HS6ST3: variants seen among roughly 807,000 people sequenced by gnomAD.
HS6ST3 encodes the protein heparan sulfate 6-O-sulfotransferase 3, also known as heparan-sulfate 6-O-sulfotransferase 3.
Under a neutral mutation model 36.7 loss-of-function variants are expected in HS6ST3, and 12 were observed. That is an observed-to-expected ratio of 0.33 (90% CI 0.21 to 0.53). The LOEUF is 0.53. HS6ST3 is among the 20% of genes least tolerant of loss of function. The pLI, the probability that HS6ST3 is intolerant of heterozygous loss-of-function variation, is 0.95. For synonymous variants in HS6ST3, 240 were observed against 257.5 expected (o/e 0.93, Z 0.65); for missense variants, 584 against 640.9 (o/e 0.91, Z 0.96).
intron 1 of HS6ST3, among the ~76,000 whole-genome samples, chr13:96,603,758 G>A (rs1181876410): frequency 1.3e-5 from 2 of 152,190 alleles, no homozygotes; most frequent in Non-Finnish European, 2.9e-5. Context: ...CAAGAAATGT[G>A]TTGGCTTAAG....
intron 1 of HS6ST3, among the ~76,000 whole-genome samples, chr13:96,583,523 C>T (rs938879653): frequency 1.3e-5 from 2 of 152,008 alleles, no homozygotes; most frequent in African/African-American, 2.4e-5. Context: ...TCACTTTCTA[C>T]TAAGAATAAA....
At chr13:96,333,929 G>A (rs2055086169) in intron 1 of HS6ST3, among the ~76,000 whole-genome samples, 1 of 152,096 alleles carries the variant, frequency 6.6e-6, no homozygotes, top group African/African-American at 2.4e-5. Flanking sequence ...AATTAGGGAA[G>A]TTTTGATGGT....
chr13:96,205,395 C>T (rs527628213), intron 1 of HS6ST3, among the ~76,000 whole-genome samples: 23 of 152,150 alleles, frequency 1.5e-4, no homozygotes, highest in South Asian at 2.1e-4. Flanking sequence ...TTCTACCAGA[C>T]GTACACTGAA....
At chr13:96,203,534 C>T (rs1180531492) in intron 1 of HS6ST3, among the ~76,000 whole-genome samples, 1 of 152,210 alleles carries the variant, frequency 6.6e-6, no homozygotes, top group Non-Finnish European at 1.5e-5. Context: ...GTTAGACTAT[C>T]CTAAACTAGT....
chr13:96,299,029 TTCTGGA>T (rs2054868901), intron 1 of HS6ST3, among the ~76,000 whole-genome samples: 1 of 152,210 alleles, frequency 6.6e-6, no homozygotes, highest in African/African-American at 2.4e-5. Context: ...CAGTAATTGT[TTCTGGA>T]TCTTTTACGC....
chr13:96,096,297 G>C (rs769747547), intron 1 of HS6ST3, among the ~76,000 whole-genome samples: 1 of 152,094 alleles, frequency 6.6e-6, no homozygotes, highest in Non-Finnish European at 1.5e-5. Flanking sequence ...GAGTAAGAAA[G>C]AACTTAATAA....
intron 1 of HS6ST3, among the ~76,000 whole-genome samples, chr13:96,257,797 AC>A (rs2054644420): frequency 1.3e-5 from 2 of 152,250 alleles, no homozygotes; most frequent in South Asian, 4.1e-4. Context: ...AGTGCTATAG[AC>A]AGCACAGAGT....
intron 1 of HS6ST3, among the ~76,000 whole-genome samples, chr13:96,636,065 A>G (rs2139003683): frequency 6.6e-6 from 1 of 152,296 alleles, no homozygotes; most frequent in East Asian, 1.9e-4. Flanking sequence ...GTAGAGGCAC[A>G]GACTACTTCA....
At chr13:96,470,129 T>C (rs2055833556) in intron 1 of HS6ST3, among the ~76,000 whole-genome samples, 1 of 152,162 alleles carries the variant, frequency 6.6e-6, no homozygotes, top group Non-Finnish European at 1.5e-5. Flanking sequence ...CCATATTCAC[T>C]TTTTCCCTTG....
intron 1 of HS6ST3, among the ~76,000 whole-genome samples, chr13:96,806,785 G>C (rs1878205200): frequency 6.6e-6 from 1 of 152,148 alleles, no homozygotes; most frequent in Admixed American, 6.5e-5. Context: ...GTTTAATGTT[G>C]ACTATTCAAT....
chr13:96,399,528 T>C (rs1041265102), intron 1 of HS6ST3, among the ~76,000 whole-genome samples: 7 of 152,238 alleles, frequency 4.6e-5, no homozygotes, highest in Non-Finnish European at 7.3e-5. Context: ...ATGGCCTTAA[T>C]TTATATAAAT....
chr13:96,661,253 T>G (rs1285285392), intron 1 of HS6ST3, among the ~76,000 whole-genome samples: 2 of 152,126 alleles, frequency 1.3e-5, no homozygotes, highest in African/African-American at 4.8e-5. Context: ...TCCCCCACCA[T>G]TATTGTATTT....
intron 1 of HS6ST3, among the ~76,000 whole-genome samples, chr13:96,150,888 A>G (rs1212913303): frequency 1.3e-5 from 2 of 152,226 alleles, no homozygotes; most frequent in African/African-American, 2.4e-5. Flanking sequence ...ATAATGTATA[A>G]CATAATATAT....
At chr13:96,331,130 G>A (rs2055064207) in intron 1 of HS6ST3, among the ~76,000 whole-genome samples, 1 of 152,116 alleles carries the variant, frequency 6.6e-6, no homozygotes, top group South Asian at 2.1e-4. Context: ...TGGTTTGAAT[G>A]TCCTCCCGTA....
intron 1 of HS6ST3, among the ~76,000 whole-genome samples, chr13:96,211,899 G>A (rs2054400960): frequency 6.6e-6 from 1 of 152,174 alleles, no homozygotes; most frequent in African/African-American, 2.4e-5. Context: ...AACCCCAGAG[G>A]ATGAGATAAA....
Position 96,707,928 on chromosome 13 carries a change from T to G in HS6ST3, c.708-124562T>G, listed in dbSNP as rs560309741. ...TAGTGAACCACTTCAGGCCCTCTAT[T>G]GACCATTAATGATCTAAGTGAAGAA... On this transcript the variant is annotated intron_variant, in intron 1 of 1. Coordinates refer to ENST00000376705, the MANE Select transcript of HS6ST3 (RefSeq NM_153456.4). Among the ~76,000 whole-genome samples the G allele has an allele frequency of 5.5e-4, 83 of 152,202 alleles. 1 individual carries two copies. The highest frequency in any genetic ancestry group is 1.1e-3 in the Non-Finnish European group (78 of 68,032).
intron 1 of HS6ST3, among the ~76,000 whole-genome samples, chr13:96,555,600 CTTG>C (rs1186408353): frequency 6.6e-6 from 1 of 152,206 alleles, no homozygotes; most frequent in Admixed American, 6.5e-5. Context: ...ACAACATGCT[CTTG>C]TTGTTAGCAA....
At chr13:96,817,715 A>G (rs1159830638) in intron 1 of HS6ST3, among the ~76,000 whole-genome samples, 1 of 152,210 alleles carries the variant, frequency 6.6e-6, no homozygotes, top group African/African-American at 2.4e-5. Flanking sequence ...TAGCTCCAAT[A>G]TAACACGTCA....
chr13:96,286,701 C>T (rs2054805066), intron 1 of HS6ST3, among the ~76,000 whole-genome samples: 1 of 152,136 alleles, frequency 6.6e-6, no homozygotes, highest in Non-Finnish European at 1.5e-5. Flanking sequence ...CTTCACTCTC[C>T]TGATGGGAGA....
Sources: gnomAD v4.1 joint callset for allele counts (sites outside exome capture counted in the v4.1 genomes callset) on GRCh38, gnomAD v4.1.1 for gene constraint, MANE v1.5 for transcripts, NCBI Gene and HGNC (gene_info 2026-07-23, HGNC 2026-07-21) for gene names.